The following MROH1 variants were observed in gnomAD, a reference collection of about 807,000 sequenced individuals.
The protein encoded by MROH1 is maestro heat-like repeat-containing protein family member 1.
In MROH1, 117 loss-of-function variants were observed where a neutral mutation model predicts 116.5. The ratio of observed to expected loss-of-function variants is 1.00; its 90% CI spans 0.86 to 1.17. The LOEUF (loss-of-function observed/expected upper bound fraction) is 1.17. MROH1 is among the 50% of genes most tolerant of loss of function. The pLI, the probability that MROH1 is intolerant of heterozygous loss-of-function variation, is 0.00. For missense variants in MROH1, 1,873 were observed against 1,338.5 expected (o/e 1.40, Z -6.23); for synonymous variants, 921 against 583.9 (o/e 1.58, Z -8.32).
intron 1 of MROH1, among the ~76,000 whole-genome samples, chr8:144,151,246 T>A (rs1816682728): frequency 2.4e-5 from 1 of 41,440 alleles, no homozygotes; most frequent in Non-Finnish European, 3.7e-5. Flanking sequence ...ATATTCTGTC[T>A]CAAAAAAAAA....
rs1197032099 is a variant in MROH1 at position 144,258,921 on chromosome 8, G to C, written c.3929+7G>C. The C allele has an allele frequency of 2.7e-6, 2 of 738,190 alleles. No homozygotes were observed. Among genetic ancestry groups the C allele is most frequent in the South Asian group, 1.4e-5 (1 of 69,132 alleles). 45.7% of individuals were successfully genotyped at this position (738,190 alleles called of 1,614,324 possible). ...GGGCCACCAGGTTGGCCAGGTGAGC[G>C]GGCCCAGCCCACTGCAGCTCCAGCA... On this transcript the variant is annotated splice_region_variant and intron_variant, in intron 36 of 43. Transcript: ENST00000326134.
At chr8:144,222,396 T>A (rs1836959387) in intron 13 of MROH1, among the ~76,000 whole-genome samples, 1 of 152,066 alleles carries the variant, frequency 6.6e-6, no homozygotes, top group African/African-American at 2.4e-5. Flanking sequence ...AATCCTTCCC[T>A]ACGGACCTGA....
In MROH1 at chr8:144,191,839, CCTT is replaced by C. The variant is rs1329472391; in HGVS notation, c.842_844del (p.Phe281del). 2.4e-5 allele frequency: 39 copies of C among 1,613,376 alleles called. No homozygotes were observed. The highest frequency in any genetic ancestry group is 3.3e-5 in the Non-Finnish European group (39 of 1,179,868). The stretch of plus-strand genomic sequence containing the variant: ...GCCCTCTACAAGAAGCACGCAGAGA[CCTT>C]CTACTTGTCCAAGGTATCTGCAGGC... On this transcript the variant is annotated inframe_deletion, in exon 9 of 44. Coordinates refer to ENST00000326134, the MANE Select transcript of MROH1 (RefSeq NM_032450.3).
At chr8:144,243,672 C>A in intron 25 of MROH1, 56 bp downstream of exon 25, 1 of 774,696 alleles carries the variant, frequency 1.3e-6, no homozygotes. Flanking sequence ...AGACTGAGGC[C>A]AGAGGTGGGG....
chr8:144,206,843 G>A (rs1383215868), intron 12 of MROH1, among the ~76,000 whole-genome samples: 2 of 149,438 alleles, frequency 1.3e-5, no homozygotes, highest in Non-Finnish European at 3.0e-5. Context: ...GACTAGCCTG[G>A]CCAACATGGT....
intron 3 of MROH1, among the ~76,000 whole-genome samples, chr8:144,166,345 G>T (rs773054871): frequency 3.3e-5 from 5 of 152,322 alleles, no homozygotes; most frequent in Admixed American, 6.5e-5. Context: ...GCACAGATTT[G>T]CCCAGAGGCT....
chr8:144,204,691 G>A (rs1390984659), intron 12 of MROH1, among the ~76,000 whole-genome samples: 2 of 152,176 alleles, frequency 1.3e-5, no homozygotes, highest in Non-Finnish European at 2.9e-5. Flanking sequence ...CTTTTCCTCA[G>A]TATTCTCTTG....
intron 32 of MROH1, 37 bp downstream of exon 32, chr8:144,249,066 AAG>A (rs1842395230): frequency 1.4e-6 from 1 of 713,418 alleles, no homozygotes; most frequent in African/African-American, 1.8e-5. Context: ...GCTCCAGGAG[AAG>A]GTGGGAGAGG....
intron 4 of MROH1, 85 bp downstream of exon 4, chr8:144,168,525 A>G (rs1821566481): frequency 2.7e-6 from 4 of 1,496,264 alleles, no homozygotes; most frequent in African/African-American, 1.4e-5. Flanking sequence ...CAGTCCAGCC[A>G]GGAGCAGTGG....
chr8:144,248,344 C>T (rs1277889403), intron 31 of MROH1, among the ~76,000 whole-genome samples: 1 of 151,354 alleles, frequency 6.6e-6, no homozygotes, highest in African/African-American at 2.5e-5. Flanking sequence ...AGAAAGCTGC[C>T]CCTCCCTCCG....
At chr8:144,210,676 G>GTGAC (rs1833901671) in intron 12 of MROH1, among the ~76,000 whole-genome samples, 2 of 124,140 alleles carry the variant, frequency 1.6e-5, no homozygotes, top group African/African-American at 5.5e-5. Flanking sequence ...GTGACAGATG[G>GTGAC]AGACTCTGTC....
At chr8:144,189,971 C>T (rs527575162) in intron 7 of MROH1, among the ~76,000 whole-genome samples, 1 of 152,296 alleles carries the variant, frequency 6.6e-6, no homozygotes, top group East Asian at 1.9e-4. Context: ...TGTATTTTCT[C>T]ACAGTTTTGG....
chr8:144,248,256 T>C (rs1842238149), intron 31 of MROH1, among the ~76,000 whole-genome samples: 1 of 152,114 alleles, frequency 6.6e-6, no homozygotes, highest in Non-Finnish European at 1.5e-5. Context: ...ACTCTGAGGC[T>C]CAGCTCACAA....
chr8:144,254,780 C>T lies in MROH1; in HGVS notation c.3429-33C>T, dbSNP rs956438376. On this transcript the variant is annotated intron_variant, in intron 33 of 43. Coordinates refer to ENST00000326134, the MANE Select transcript of MROH1 (RefSeq NM_032450.3). The stretch of plus-strand genomic sequence containing the variant: ...GGGGGGCAGGCGCCCTGACCAGCCA[C>T]GGCCTCAAAGTGACTCTCCTGCTCT... 111 of 752,208 alleles carry T rather than the reference C, an allele frequency of 1.5e-4. 2 individuals carry two copies. Among genetic ancestry groups the T allele is most frequent in the Middle Eastern group, 3.6e-4 (1 of 2,748 alleles). The allele number at this position is 752,208 out of a possible 1,614,324, so 46.6% of individuals were successfully genotyped here.
intron 12 of MROH1, among the ~76,000 whole-genome samples, chr8:144,209,839 G>A (rs868334731): frequency 1.3e-5 from 2 of 149,774 alleles, no homozygotes; most frequent in East Asian, 2.0e-4. Context: ...CCAGGAGGTC[G>A]AGGCTGCAGT....
chr8:144,192,594 C>T (rs1251162895), intron 10 of MROH1, 193 bp downstream of exon 10: 3 of 703,370 alleles, frequency 4.3e-6, no homozygotes, highest in East Asian at 2.7e-5. Context: ...CCAGTAGTGG[C>T]ACATGCAGGT....
In MROH1 at chr8:144,167,437, G is replaced by A. The variant is rs1251462869; in HGVS notation, c.23-858G>A. Among the ~76,000 whole-genome samples the A allele has an allele frequency of 7.6e-5, 10 of 132,340 alleles. 1 individual carries two copies. The highest frequency in any genetic ancestry group is 2.8e-4 in the African/African-American group (8 of 28,588). 86.8% of individuals were successfully genotyped at this position (132,340 alleles called of 152,430 possible). On this transcript the variant is annotated intron_variant, in intron 3 of 43. Coordinates refer to ENST00000326134, the MANE Select transcript of MROH1 (RefSeq NM_032450.3). ...GGGGTGGAGTGGCCGGTTGTTGGGT[G>A]GAGTGGCCGGTTGTTGTGGTGGAGT...
Position 144,163,972 on chromosome 8 carries a change from C to CT in MROH1, c.22+125dup. ...GAGTTTCCACCCTATACTCGGGAGC[C>CT]TGAGTGGGTTCTGGGCAGGTTGGGT... is the stretch of plus-strand genomic sequence containing the variant. On this transcript the variant is annotated intron_variant, in intron 3 of 43. Transcript: ENST00000326134. The surrounding 1 kb of genome is among the most constrained non-coding windows in gnomAD (Gnocchi z 4.4). The CT allele has an allele frequency of 5.0e-6, 5 of 1,002,242 alleles. No homozygotes were observed. Among genetic ancestry groups the CT allele is most frequent in the Non-Finnish European group, 7.3e-6 (5 of 683,804 alleles). 62.1% of individuals were successfully genotyped at this position (1,002,242 alleles called of 1,614,324 possible).
At chr8:144,174,781 C>A (rs1587886841) in intron 4 of MROH1, 5 of 967,956 alleles carry the variant, frequency 5.2e-6, no homozygotes, top group Non-Finnish European at 6.1e-6. Context: ...CTGTGGCTGG[C>A]CCTATCCATT....
Sources: allele counts gnomAD v4.1 joint callset (sites outside exome capture counted in the v4.1 genomes callset), GRCh38; gene constraint gnomAD v4.1.1; non-coding constraint Gnocchi (gnomAD v3.1); transcripts MANE v1.5; gene names NCBI Gene and HGNC (gene_info 2026-07-23, HGNC 2026-07-21).